The following ZNF804A variants were observed in gnomAD, a reference collection of about 807,000 sequenced individuals.
ZNF804A encodes the protein zinc finger protein 804A.
In ZNF804A, 2 loss-of-function variants were observed where a neutral mutation model predicts 16.5. The observed-to-expected ratio is 0.12, with a 90% confidence interval of 0.05 to 0.38. The LOEUF (loss-of-function observed/expected upper bound fraction) is 0.38. Among genes scored for constraint, ZNF804A ranks in the 10% least tolerant of loss-of-function variants. ZNF804A has a pLI of 0.99. For synonymous variants in ZNF804A, 534 were observed against 489.6 expected, an observed-to-expected ratio of 1.09 and a Z score of -1.20; for missense variants, 1,473 against 1,390.7, an observed-to-expected ratio of 1.06 and a Z score of -0.94.
chr2:184,896,775 T>A (rs1685076019), intron 2 of ZNF804A, among the ~76,000 whole-genome samples: 1 of 149,464 alleles, frequency 6.7e-6, no homozygotes, highest in African/African-American at 2.4e-5. Flanking sequence ...TCCTTACATA[T>A]AAAAATAATA....
intron 1 of ZNF804A, among the ~76,000 whole-genome samples, chr2:184,729,322 T>A (rs1693474022): frequency 6.7e-6 from 1 of 150,250 alleles, no homozygotes; most frequent in African/African-American, 2.5e-5. Context: ...TTAAAATAAT[T>A]TTTTTTTAAG....
At chr2:184,708,400 C>T (rs1424461746) in intron 1 of ZNF804A, among the ~76,000 whole-genome samples, 2 of 152,074 alleles carry the variant, frequency 1.3e-5, no homozygotes, top group African/African-American at 2.4e-5. Flanking sequence ...TCAAACTATA[C>T]TATAAGGTTA....
At chr2:184,779,883 A>T (rs1165419069) in intron 1 of ZNF804A, among the ~76,000 whole-genome samples, 1 of 151,748 alleles carries the variant, frequency 6.6e-6, no homozygotes, top group African/African-American at 2.4e-5. Flanking sequence ...TGTGATGTGT[A>T]AAATTGTTAC....
chr2:184,681,629 T>G (rs1692541443), intron 1 of ZNF804A, among the ~76,000 whole-genome samples: 1 of 152,244 alleles, frequency 6.6e-6, no homozygotes, highest in African/African-American at 2.4e-5. Context: ...ATTGCTGCTC[T>G]TACTGATGGC....
chr2:184,717,323 C>T (rs1486016408), intron 1 of ZNF804A, among the ~76,000 whole-genome samples: 1 of 152,074 alleles, frequency 6.6e-6, no homozygotes, highest in Non-Finnish European at 1.5e-5. Flanking sequence ...TCTTACCTTT[C>T]TCCAGATTCT....
At chr2:184,638,524 G>C (rs1288295616) in intron 1 of ZNF804A, among the ~76,000 whole-genome samples, 1 of 152,092 alleles carries the variant, frequency 6.6e-6, no homozygotes, top group Admixed American at 6.6e-5. Flanking sequence ...TCTTTAGTCA[G>C]TACAAACTTC....
At chr2:184,767,749 T>C (rs959169504) in intron 1 of ZNF804A, among the ~76,000 whole-genome samples, 4 of 152,116 alleles carry the variant, frequency 2.6e-5, no homozygotes, top group South Asian at 2.1e-4. Flanking sequence ...AAAAACACTT[T>C]AGGTAAAAAT....
chr2:184,831,516 A>G (rs988946396), intron 1 of ZNF804A, among the ~76,000 whole-genome samples: 7 of 152,048 alleles, frequency 4.6e-5, no homozygotes, highest in African/African-American at 1.4e-4. Context: ...TTTTGTTCAC[A>G]TTGCATTTCA....
intron 1 of ZNF804A, among the ~76,000 whole-genome samples, chr2:184,624,266 G>A (rs1199897449): frequency 6.6e-6 from 1 of 151,956 alleles, no homozygotes; most frequent in Non-Finnish European, 1.5e-5. Context: ...TGGTAAAAAT[G>A]GTAAATTTTA....
chr2:184,934,087 A>G (rs1278709585), intron 3 of ZNF804A, among the ~76,000 whole-genome samples: 1 of 152,170 alleles, frequency 6.6e-6, no homozygotes, highest in African/African-American at 2.4e-5. Context: ...TTTAACAAAA[A>G]GAGTTTTTAG....
intron 1 of ZNF804A, among the ~76,000 whole-genome samples, chr2:184,633,361 TTTTTAAATAAAAAGTAGG>T (rs1691643067): frequency 6.6e-6 from 1 of 152,208 alleles, no homozygotes; most frequent in South Asian, 2.1e-4. Context: ...TTTTGGGATT[TTTTTAAATAAAAAGTAGG>T]TGGCGGAAGA....
chr2:184,672,930 C>T (rs1005312995), intron 1 of ZNF804A, among the ~76,000 whole-genome samples: 12 of 152,008 alleles, frequency 7.9e-5, no homozygotes, highest in East Asian at 3.9e-4. Flanking sequence ...TTAGTAGAGA[C>T]GGGGTTTCAC....
chr2:184,862,038 G>T (rs1289859556), intron 1 of ZNF804A, among the ~76,000 whole-genome samples: 1 of 152,118 alleles, frequency 6.6e-6, no homozygotes, highest in African/African-American at 2.4e-5. Flanking sequence ...TTCACTTTGT[G>T]CCTTCACTCT....
At chr2:184,734,745 A>G (rs915796934) in intron 1 of ZNF804A, among the ~76,000 whole-genome samples, 2 of 152,210 alleles carry the variant, frequency 1.3e-5, no homozygotes, top group Non-Finnish European at 2.9e-5. Flanking sequence ...CATTCTGTCC[A>G]TATCTGGCAA....
intron 2 of ZNF804A, among the ~76,000 whole-genome samples, chr2:184,932,785 C>T (rs1685722772): frequency 6.6e-6 from 1 of 152,052 alleles, no homozygotes; most frequent in Non-Finnish European, 1.5e-5. Context: ...TTGATGTCTC[C>T]AAAATTATAC....
intron 1 of ZNF804A, among the ~76,000 whole-genome samples, chr2:184,855,970 G>C (rs1695680559): frequency 6.6e-6 from 1 of 151,988 alleles, no homozygotes; most frequent in African/African-American, 2.4e-5. Flanking sequence ...ACTTTTTAAT[G>C]TCAATAATGA....
chr2:184,939,246 A>C lies in ZNF804A; in HGVS notation c.*220A>C. 1 of 509,328 alleles carries C rather than the reference A, an allele frequency of 2.0e-6. No homozygotes were observed. Among genetic ancestry groups the C allele is most frequent in the South Asian group, 3.2e-5 (1 of 31,714 alleles). 31.6% of individuals were successfully genotyped at this position (509,328 alleles called of 1,614,324 possible). The stretch of plus-strand genomic sequence containing the variant: ...AAAGCACTGAATAGTTTGAAAATCA[A>C]TACAATATATGCTATATATTAAAAT... On this transcript the variant is annotated 3_prime_UTR_variant, in exon 4 of 4. Transcript: ENST00000302277.
intron 1 of ZNF804A, among the ~76,000 whole-genome samples, chr2:184,605,044 CAT>C (rs1434706557): frequency 6.6e-6 from 1 of 151,976 alleles, no homozygotes; most frequent in African/African-American, 2.4e-5. Context: ...CTTATATAAA[CAT>C]GTTACTTTTA....
At chr2:184,914,892 A>G (rs1186302770) in intron 2 of ZNF804A, among the ~76,000 whole-genome samples, 1 of 151,830 alleles carries the variant, frequency 6.6e-6, no homozygotes, top group Non-Finnish European at 1.5e-5. Flanking sequence ...GTAAGCAATA[A>G]TTCACTAGAT....
Sources: allele counts gnomAD v4.1 joint callset (sites outside exome capture counted in the v4.1 genomes callset), GRCh38; gene constraint gnomAD v4.1.1; transcripts MANE v1.5; gene names NCBI Gene and HGNC (gene_info 2026-07-23, HGNC 2026-07-21).